ATF6: variants seen among roughly 807,000 people sequenced by gnomAD.
ATF6 encodes the protein cyclic AMP-dependent transcription factor ATF-6 alpha.
Under a neutral mutation model 83.6 loss-of-function variants are expected in ATF6, and 53 were observed. The observed-to-expected ratio is 0.63, with a 90% CI of 0.51 to 0.80. The LOEUF (loss-of-function observed/expected upper bound fraction) is 0.80, where lower values mean the gene tolerates loss of function less well. Ranked by LOEUF, ATF6 falls within the 30% of genes least tolerant of loss-of-function variation. ATF6 has a pLI of 0.00. For missense variants in ATF6, 744 were observed against 797.9 expected, an observed-to-expected ratio of 0.93 and a Z score of 0.81; for synonymous variants, 288 against 285.8, an observed-to-expected ratio of 1.01 and a Z score of -0.08.
intron 9 of ATF6, among the ~76,000 whole-genome samples, chr1:161,823,907 G>A (rs1027351014): frequency 6.6e-6 from 1 of 152,070 alleles, no homozygotes; most frequent in Admixed American, 6.5e-5. Flanking sequence ...GGCAGCTAGG[G>A]TATTTCCAGT....
intron 9 of ATF6, among the ~76,000 whole-genome samples, chr1:161,844,243 T>C (rs55832042): frequency 0.14 from 21,596 of 152,112 alleles, 2,095 homozygotes; most frequent in East Asian, 0.31. Context: ...AGGACAGTGA[T>C]CAAATATGCT....
chr1:161,950,231 A>T (rs1558037891), intron 15 of ATF6, among the ~76,000 whole-genome samples: 1 of 152,208 alleles, frequency 6.6e-6, no homozygotes, highest in South Asian at 2.1e-4. Context: ...AAGTTCCTTC[A>T]TGCTCTAGAA....
chr1:161,781,430 G>GA (rs1235406551), intron 2 of ATF6, among the ~76,000 whole-genome samples: 1 of 151,742 alleles, frequency 6.6e-6, no homozygotes, highest in South Asian at 2.1e-4. Flanking sequence ...TAGAACAGTA[G>GA]AAAAAAAAGA....
At chr1:161,923,639 G>A (rs1688256943) in intron 15 of ATF6, among the ~76,000 whole-genome samples, 1 of 151,968 alleles carries the variant, frequency 6.6e-6, no homozygotes, top group Non-Finnish European at 1.5e-5. Context: ...CAGTTGCATG[G>A]GTAATTTTTC....
At chr1:161,767,516 T>C (rs1684292324) in intron 1 of ATF6, among the ~76,000 whole-genome samples, 1 of 152,230 alleles carries the variant, frequency 6.6e-6, no homozygotes, top group Non-Finnish European at 1.5e-5. Flanking sequence ...TAGCTCTTTG[T>C]GTCAGGGACC....
intron 4 of ATF6, among the ~76,000 whole-genome samples, chr1:161,789,252 CTTTTTTT>C (rs71755584): frequency 4.9e-5 from 5 of 101,380 alleles, no homozygotes; most frequent in African/African-American, 1.5e-4. Context: ...ATTCCTTCTC[CTTTTTTT>C]TTTTTTTTTT....
intron 7 of ATF6, among the ~76,000 whole-genome samples, chr1:161,807,224 A>G (rs1685309501): frequency 6.6e-6 from 1 of 152,224 alleles, no homozygotes; most frequent in African/African-American, 2.4e-5. Flanking sequence ...TATGTCTATA[A>G]TAATCTATTT....
intron 14 of ATF6, among the ~76,000 whole-genome samples, chr1:161,906,045 T>G (rs4233379): frequency 0.15 from 22,274 of 152,016 alleles, 2,219 homozygotes; most frequent in East Asian, 0.33. Context: ...ATGTTAGCCA[T>G]GATGGTCTTG....
intron 1 of ATF6, among the ~76,000 whole-genome samples, chr1:161,773,079 C>T (rs965376418): frequency 8.6e-5 from 13 of 151,520 alleles, no homozygotes; most frequent in Admixed American, 2.6e-4. Flanking sequence ...GCGATTCCCG[C>T]CTCAGCTTCC....
At chr1:161,931,553 A>G (rs1237553311) in intron 15 of ATF6, among the ~76,000 whole-genome samples, 1 of 140,706 alleles carries the variant, frequency 7.1e-6, no homozygotes, top group African/African-American at 2.5e-5. Flanking sequence ...GGTTTTTAGT[A>G]CAATTTTAGA....
chr1:161,887,776 C>T (rs914314340), intron 14 of ATF6, among the ~76,000 whole-genome samples: 1 of 152,116 alleles, frequency 6.6e-6, no homozygotes, highest in Non-Finnish European at 1.5e-5. Context: ...TAAATCAATC[C>T]ATAAATCTCT....
chr1:161,797,392 C>G (rs1206294226), intron 6 of ATF6, among the ~76,000 whole-genome samples: 1 of 152,118 alleles, frequency 6.6e-6, no homozygotes, highest in Non-Finnish European at 1.5e-5. Flanking sequence ...CCTCTCTTCA[C>G]AGACGATATG....
chr1:161,809,002 TATTTC>T (rs1685375142), intron 7 of ATF6, among the ~76,000 whole-genome samples: 1 of 152,228 alleles, frequency 6.6e-6, no homozygotes, highest in Non-Finnish European at 1.5e-5. Context: ...ACTTGGTACT[TATTTC>T]ATTTTGTTCA....
chr1:161,866,774 C>T (rs1217351655), intron 14 of ATF6, among the ~76,000 whole-genome samples: 1 of 152,070 alleles, frequency 6.6e-6, no homozygotes, highest in African/African-American at 2.4e-5. Context: ...TTTTAAGAGA[C>T]AAGGTCTCTG....
intron 9 of ATF6, among the ~76,000 whole-genome samples, chr1:161,835,831 C>G (rs1042836080): frequency 6.6e-6 from 1 of 152,150 alleles, no homozygotes; most frequent in Non-Finnish European, 1.5e-5. Context: ...TTAAAGGTCA[C>G]TATAGTCATC....
At chr1:161,860,321 T>G in intron 13 of ATF6, 44 bp downstream of exon 13, 1 of 1,406,980 alleles carries the variant, frequency 7.1e-7, no homozygotes. Context: ...TTAAAATAGC[T>G]GGTATTTTAA....
chr1:161,828,737 A>G (rs148907504), intron 9 of ATF6, among the ~76,000 whole-genome samples: 9 of 152,166 alleles, frequency 5.9e-5, no homozygotes, highest in Non-Finnish European at 1.2e-4. Context: ...AATTTATACT[A>G]CTAGTGTGAT....
At chr1:161,846,342 G>C in intron 9 of ATF6, 107 bp from the exon 10 acceptor site, 1 of 1,257,326 alleles carries the variant, frequency 8.0e-7, no homozygotes, top group African/African-American at 1.5e-5. Flanking sequence ...TTTTTGTTAC[G>C]TGCATGGATC....
intron 3 of ATF6, among the ~76,000 whole-genome samples, chr1:161,783,486 A>AT (rs1684681717): frequency 6.6e-6 from 1 of 152,236 alleles, no homozygotes; most frequent in Non-Finnish European, 1.5e-5. Flanking sequence ...AGATATGAAC[A>AT]TTTTTTATGA....
Sources: allele counts gnomAD v4.1 joint callset (sites outside exome capture counted in the v4.1 genomes callset), GRCh38; gene constraint gnomAD v4.1.1; transcripts MANE v1.5; gene names NCBI Gene and HGNC (gene_info 2026-07-23, HGNC 2026-07-21).